Variants in RYR1 observed in about 807,000 individuals in gnomAD.
The protein encoded by RYR1 is central core disease of muscle.
Under a neutral mutation model 583.5 loss-of-function variants are expected in RYR1, and 342 were observed. That is an observed-to-expected ratio of 0.59 (90% CI 0.54 to 0.64). RYR1 has a LOEUF of 0.64. RYR1 is among the 30% of genes least tolerant of loss of function. The probability of loss-of-function intolerance (pLI) is 0.00; values close to 1 mark genes in which losing one functional copy is unlikely to be tolerated. For missense variants in RYR1, 6,032 were observed against 6,917.2 expected, an observed-to-expected ratio of 0.87 and a Z score of 4.54; for synonymous variants, 2,791 against 2,822.5, an observed-to-expected ratio of 0.99 and a Z score of 0.35.
At position 38,499,485 on chromosome 19, in the gene RYR1, C is replaced by A; in HGVS notation, c.7028-150C>A. ...CCCCTAGAGGTGTTGGGTCCTGGGG[C>A]TGGCAGGGGCCTGGTGTTACCTCTG... On this transcript the variant is annotated intron_variant, in intron 43 of 105. Coordinates refer to ENST00000359596, the MANE Select transcript of RYR1 (RefSeq NM_000540.3). This position sits in a 1 kb window ranked among gnomAD's most constrained non-coding sequence, Gnocchi z 7.3. 9.8e-7 allele frequency: 1 copy of A among 1,020,630 alleles called. No homozygotes were observed. Among genetic ancestry groups the A allele is most frequent in the Non-Finnish European group, 1.4e-6 (1 of 690,970 alleles). 63.2% of individuals were successfully genotyped at this position (1,020,630 alleles called of 1,614,324 possible).
chr19:38,489,285 G>A lies in RYR1; in HGVS notation c.5656G>A (p.Glu1886Lys), dbSNP rs759258451. 5 of 1,605,294 alleles carry A rather than the reference G, an allele frequency of 3.1e-6. No individual in the cohort carries two copies. The East Asian group carries it at 1.1e-4, about 36-fold the overall frequency. ...EEEDEEEEGE[E>K]EDEEEKEEDE... ...GGAGGACGAGGAGGAAGAGGGTGAA[G>A]AGGAAGATGAGGAGGAGAAGGAGGA... Residue 1886 changes from glutamate (E) to lysine (K), a missense_variant, in exon 35 of 106, where the codon GAG (glutamate) becomes AAG (lysine). Around this residue, in one of 11 missense-constraint regions of RYR1, gnomAD observed 2,627 missense variants for 2,961.3 expected, o/e 0.89. Transcript: ENST00000359596.
At chr19:38,581,853 C>G (rs1974227495) in intron 101 of RYR1, among the ~76,000 whole-genome samples, 1 of 151,914 alleles carries the variant, frequency 6.6e-6, no homozygotes, top group South Asian at 2.1e-4. Flanking sequence ...AATGATCCAC[C>G]CACCTCGGCC....
chr19:38,496,680 GC>G lies in RYR1; in HGVS notation c.6796+140del. ...TGGTTCTGGCCCTGTAATGAGTAAT[GC>G]TGGGGACACAATAGTGACCCCAATA... is the stretch of plus-strand genomic sequence containing the variant. On this transcript the variant is annotated intron_variant, in intron 41 of 105. Coordinates refer to ENST00000359596, the MANE Select transcript of RYR1 (RefSeq NM_000540.3). This position sits in a 1 kb window ranked among gnomAD's most constrained non-coding sequence, Gnocchi z 4.8. The G allele has an allele frequency of 8.1e-7, 1 of 1,231,344 alleles. No individual in the cohort carries two copies. The highest frequency in any genetic ancestry group is 1.2e-6 in the Non-Finnish European group (1 of 846,824). The allele number at this position is 1,231,344 out of a possible 1,614,324, so 76.3% of individuals were successfully genotyped here.
chr19:38,567,252 G>A (rs984796484), intron 92 of RYR1, among the ~76,000 whole-genome samples: 1 of 152,128 alleles, frequency 6.6e-6, no homozygotes, highest in Non-Finnish European at 1.5e-5. Context: ...CTTGACCCCT[G>A]GAGGTGGAGG....
At position 38,561,385 on chromosome 19, in the gene RYR1, G is replaced by A. The variant is rs1442355076; in HGVS notation, c.12555G>A (p.Ala4185=). The change falls in exon 90 of 106, where the codon GCG becomes GCA. Residue 4185 remains alanine, a synonymous_variant. Coordinates refer to ENST00000359596, the MANE Select transcript of RYR1 (RefSeq NM_000540.3). The surrounding 1 kb of genome is among the most constrained non-coding windows in gnomAD (Gnocchi z 4.8). ...PYLGRIEIMG[A]SRRIERIYFE... is the part of the protein sequence containing the mutation. ...TGGGCCGCATCGAGATCATGGGCGC[G>A]TCACGCCGCATCGAGCGCATCTACT... The A allele has an allele frequency of 3.7e-6, 6 of 1,613,452 alleles. No individual in the cohort carries two copies. The highest frequency in any genetic ancestry group is 4.2e-6 in the Non-Finnish European group (5 of 1,179,998).
At chr19:38,579,590 CAAAAA>C (rs1236481962) in intron 99 of RYR1, among the ~76,000 whole-genome samples, 2 of 62,234 alleles carry the variant, frequency 3.2e-5, no homozygotes, top group Admixed American at 1.9e-4. Context: ...AACTCCATCT[CAAAAA>C]AAAAAAAAAA....
At chr19:38,449,505 G>A (rs574240898) in intron 11 of RYR1, among the ~76,000 whole-genome samples, 2 of 152,226 alleles carry the variant, frequency 1.3e-5, no homozygotes, top group South Asian at 4.1e-4. Flanking sequence ...AACAGAGAGA[G>A]TGAGAAAAAG....
At chr19:38,470,856 G>A (rs540835954) in intron 27 of RYR1, among the ~76,000 whole-genome samples, 11 of 152,352 alleles carry the variant, frequency 7.2e-5, no homozygotes, top group African/African-American at 2.6e-4. Flanking sequence ...GATTGTAGGA[G>A]GTGACAGTGG....
In RYR1 at chr19:38,500,073, C is replaced by G; in HGVS notation, c.7323+57C>G. On this transcript the variant is annotated intron_variant, in intron 45 of 105. Coordinates refer to ENST00000359596, the MANE Select transcript of RYR1 (RefSeq NM_000540.3). The surrounding 1 kb of genome is among the most constrained non-coding windows in gnomAD (Gnocchi z 5.9). ...GGAGGGCAGGCACAGCCGCTTTGAA[C>G]GCCTCATGCAGGCACTCGGTGACAC... 6.7e-7 allele frequency: 1 copy of G among 1,492,912 alleles called. No individual in the cohort carries two copies. Among genetic ancestry groups the G allele is most frequent in the African/African-American group, 1.4e-5 (1 of 72,582 alleles). The allele number at this position is 1,492,912 out of a possible 1,614,324, so 92.5% of individuals were successfully genotyped here. A position where few individuals can be genotyped will look rare whatever the true frequency, so the allele number is the denominator to read the frequency against.
chr19:38,584,875 C>T (rs936422584), intron 101 of RYR1, 68 bp from the exon 102 acceptor site: 8 of 1,595,040 alleles, frequency 5.0e-6, no homozygotes, highest in Non-Finnish European at 6.9e-6. Flanking sequence ...CCCTGCCTAT[C>T]CCGGGGCCTT....
At chr19:38,452,748 T>G in intron 12 of RYR1, 71 bp from the exon 13 acceptor site, 25 of 1,394,000 alleles carry the variant, frequency 1.8e-5, no homozygotes, top group Non-Finnish European at 2.4e-5. Flanking sequence ...CTTGCGGGAG[T>G]GAGGTTGCGG....
intron 13 of RYR1, among the ~76,000 whole-genome samples, chr19:38,453,392 AG>A (rs1172649744): frequency 6.7e-6 from 1 of 149,820 alleles, no homozygotes; most frequent in Non-Finnish European, 1.5e-5. Flanking sequence ...GGTCAGAGGT[AG>A]GGCTGCCGAC....
chr19:38,536,102 G>A (rs986902394), intron 82 of RYR1, 32 bp downstream of exon 82: 4 of 1,581,942 alleles, frequency 2.5e-6, no homozygotes, highest in South Asian at 2.3e-5. Flanking sequence ...CCCACCCCCT[G>A]AGACATCTTC....
At chr19:38,475,183 A>T in intron 28 of RYR1, 135 bp from the exon 29 acceptor site, 1 of 1,206,566 alleles carries the variant, frequency 8.3e-7, no homozygotes, top group Non-Finnish European at 1.2e-6. Context: ...GTAGGTGGGA[A>T]TCCAGCCCTC....
rs764995826 is a variant in RYR1, at chr19:38,444,603, G to A, written c.557G>A (p.Gly186Glu). Reference protein sequence around the residue: ...ERYLHLSTASGELQVDASFMQ... With the variant: ...ERYLHLSTASEELQVDASFMQ... ...CCCCAGCACCTGTCGACCGCCAGTGGGGAGCTCCAGGTTGACGCTTCCTTC... is the reference window on the plus strand; with the variant it reads ...CCCCAGCACCTGTCGACCGCCAGTGAGGAGCTCCAGGTTGACGCTTCCTTC... Residue 186 changes from glycine to glutamate, a missense_variant, in exon 7 of 106, where the codon GGG (glycine) becomes GAG (glutamate). By Grantham distance (98) the Gly-to-Glu change is moderately conservative (BLOSUM62 -2). Coordinates refer to ENST00000359596, the MANE Select transcript of RYR1 (RefSeq NM_000540.3). This position sits in a 1 kb window ranked among gnomAD's most constrained non-coding sequence, Gnocchi z 5.1. 20 of 1,613,870 alleles carry A rather than the reference G, an allele frequency of 1.2e-5. No individual in the cohort carries two copies. Among genetic ancestry groups the A allele is most frequent in the Non-Finnish European group, 1.6e-5 (19 of 1,179,918 alleles).
intron 89 of RYR1, 113 bp from the exon 90 acceptor site, chr19:38,561,000 C>G (rs2145829974): frequency 2.1e-6 from 2 of 954,550 alleles, no homozygotes; most frequent in Non-Finnish European, 3.2e-6. Context: ...GTGATTGCGC[C>G]ACTGCACTCC....
Position 38,448,687 on chromosome 19 carries a change from C to A in RYR1, c.996C>A (p.Gly332=). The change falls in exon 11 of 106, where the codon GGC becomes GGA. Residue 332 remains glycine (G), a synonymous_variant. Transcript: ENST00000359596. ...LDVAPKRDVE[G]MGPPEIKYGE... ...TGGCCCCCAAGCGGGATGTGGAGGG[C>A]ATGGGCCCCCCTGAGATCAAGTACG... The A allele has an allele frequency of 1.2e-6, 2 of 1,614,234 alleles. No individual in the cohort carries two copies. Among genetic ancestry groups the A allele is most frequent in the East Asian group, 4.5e-5 (2 of 44,886 alleles).
At chr19:38,505,700 C>T (rs368369700) in intron 53 of RYR1, 106 bp from the exon 54 acceptor site, 7 of 1,418,726 alleles carry the variant, frequency 4.9e-6, no homozygotes, top group African/African-American at 2.8e-5. Flanking sequence ...GGAATCCAGA[C>T]TGGACCATTG....
intron 22 of RYR1, among the ~76,000 whole-genome samples, chr19:38,464,375 A>AAG (rs1275100957): frequency 1.3e-5 from 2 of 151,648 alleles, no homozygotes; most frequent in African/African-American, 2.4e-5. Context: ...TGGGGATGGA[A>AAG]AGAGAGAGAG....
Sources: allele counts gnomAD v4.1 joint callset (sites outside exome capture counted in the v4.1 genomes callset), GRCh38; gene constraint gnomAD v4.1.1; regional missense constraint gnomAD v4.1.1; non-coding constraint Gnocchi (gnomAD v3.1); transcripts MANE v1.5; gene names NCBI Gene and HGNC (gene_info 2026-07-23, HGNC 2026-07-21).